The following TMOD2 variants were observed in gnomAD, a reference collection of about 807,000 sequenced individuals.
The protein encoded by TMOD2 is tropomodulin-2.
In TMOD2, 22 loss-of-function variants were observed where a neutral mutation model predicts 39.9. The observed-to-expected ratio is 0.55, with a 90% CI of 0.39 to 0.79. TMOD2 has a LOEUF of 0.79. Among genes scored for constraint, TMOD2 ranks in the 30% least tolerant of loss-of-function variants. The probability of loss-of-function intolerance (pLI) is 0.00; values close to 1 mark genes in which losing one functional copy is unlikely to be tolerated. For synonymous variants in TMOD2, 123 were observed against 146.1 expected (o/e 0.84, Z 1.14); for missense variants, 386 against 413.3 (o/e 0.93, Z 0.57).
intron 1 of TMOD2, among the ~76,000 whole-genome samples, chr15:51,764,099 G>A (rs62015115): frequency 6.6e-6 from 1 of 151,290 alleles, no homozygotes; most frequent in African/African-American, 2.4e-5. Flanking sequence ...AAAAAAAAAG[G>A]AGGGCTGGGA....
In TMOD2 at chr15:51,813,569, C is replaced by G. The variant is rs1347989949; in HGVS notation, c.*5115C>G. On this transcript the variant is annotated 3_prime_UTR_variant, in exon 10 of 10. Transcript: ENST00000249700. ...ACCTAATCCCATCACCAACACTTAG[C>G]AGGTATATGATCATGGGCAATTCAT... 1.3e-5 allele frequency: 2 copies of G among 152,140 alleles called. No individual in the cohort carries two copies. Among genetic ancestry groups the G allele is most frequent in the Non-Finnish European group, 2.9e-5 (2 of 68,024 alleles). 9.4% of individuals were successfully genotyped at this position (152,140 alleles called of 1,614,324 possible).
intron 1 of TMOD2, among the ~76,000 whole-genome samples, chr15:51,754,085 G>T (rs1380725139): frequency 6.6e-6 from 1 of 152,004 alleles, no homozygotes; most frequent in Non-Finnish European, 1.5e-5. Flanking sequence ...CCCATTTTTG[G>T]TTTATCTTGG....
chr15:51,789,423 A>C (rs930253321), intron 7 of TMOD2, among the ~76,000 whole-genome samples: 1 of 152,176 alleles, frequency 6.6e-6, no homozygotes, highest in Admixed American at 6.5e-5. Context: ...AGACTTTAAC[A>C]CCCCACTGTC....
intron 7 of TMOD2, among the ~76,000 whole-genome samples, chr15:51,793,461 C>T (rs1222100890): frequency 1.3e-5 from 2 of 152,218 alleles, no homozygotes; most frequent in African/African-American, 4.8e-5. Context: ...TCAGTAGCCA[C>T]ATTTCTCATG....
At chr15:51,777,715 A>T (rs2055898983) in intron 5 of TMOD2, among the ~76,000 whole-genome samples, 1 of 152,176 alleles carries the variant, frequency 6.6e-6, no homozygotes, top group Non-Finnish European at 1.5e-5. Flanking sequence ...TTAGACCAAT[A>T]TCCTTGATGA....
chr15:51,777,128 G>T (rs1159070688), intron 5 of TMOD2, 110 bp downstream of exon 5: 7 of 876,572 alleles, frequency 8.0e-6, no homozygotes, highest in Non-Finnish European at 1.1e-5. Context: ...CATTTTGCTA[G>T]GATCACTTGG....
At chr15:51,789,445 G>A (rs143170364) in intron 7 of TMOD2, among the ~76,000 whole-genome samples, 5,470 of 152,260 alleles carry the variant, frequency 0.036, 154 homozygotes, top group South Asian at 0.14. Context: ...ATATTAGACA[G>A]ATCAATGAGA....
chr15:51,758,589 A>G (rs1229413335), intron 1 of TMOD2, among the ~76,000 whole-genome samples: 1 of 152,256 alleles, frequency 6.6e-6, no homozygotes, highest in Non-Finnish European at 1.5e-5. Context: ...CTGTGCTGGG[A>G]GTCAGGATTT....
chr15:51,771,712 A>G (rs536554672), intron 3 of TMOD2, among the ~76,000 whole-genome samples: 9 of 152,336 alleles, frequency 5.9e-5, no homozygotes, highest in African/African-American at 1.9e-4. Flanking sequence ...CTCTAGACCT[A>G]AGATCATCTT....
chr15:51,777,336 T>C (rs1567239511), intron 5 of TMOD2, among the ~76,000 whole-genome samples: 1 of 152,232 alleles, frequency 6.6e-6, no homozygotes, highest in Non-Finnish European at 1.5e-5. Flanking sequence ...GATATAAGAC[T>C]GCTTGGTCAT....
intron 7 of TMOD2, among the ~76,000 whole-genome samples, chr15:51,786,881 C>G (rs2055973950): frequency 6.6e-6 from 1 of 152,220 alleles, no homozygotes; most frequent in African/African-American, 2.4e-5. Context: ...CAAATAGGAA[C>G]AGCTCTAGTC....
chr15:51,805,749 C>T (rs1216303553), intron 8 of TMOD2, among the ~76,000 whole-genome samples: 1 of 151,934 alleles, frequency 6.6e-6, no homozygotes, highest in African/African-American at 2.4e-5. Flanking sequence ...ATCTCATGTA[C>T]CCCATAAATA....
intron 5 of TMOD2, among the ~76,000 whole-genome samples, chr15:51,778,019 T>C (rs563250193): frequency 4.0e-5 from 6 of 151,682 alleles, no homozygotes; most frequent in East Asian, 1.9e-4. Context: ...ATCATGCTGC[T>C]ATAAAGACAC....
rs998214288 is a variant in TMOD2 at position 51,751,652 on chromosome 15, T to C, written c.-130T>C. 2 of 172,590 alleles carry C rather than the reference T, an allele frequency of 1.2e-5. No homozygotes were observed. The highest frequency in any genetic ancestry group is 1.6e-4 in the East Asian group (1 of 6,336). The allele number at this position is 172,590 out of a possible 1,614,324, so 10.7% of individuals were successfully genotyped here. ...GCCGCCCCTGTTCTCCCGGCCCCGCTCCACCGGGGCTGACGGACTGACGGC... is the reference window on the plus strand; with the variant it reads ...GCCGCCCCTGTTCTCCCGGCCCCGCCCCACCGGGGCTGACGGACTGACGGC... On this transcript the variant is annotated 5_prime_UTR_variant, in exon 1 of 10. Transcript: ENST00000249700.
At chr15:51,785,143 T>A (rs2055959179) in intron 7 of TMOD2, among the ~76,000 whole-genome samples, 1 of 152,120 alleles carries the variant, frequency 6.6e-6, no homozygotes, top group Non-Finnish European at 1.5e-5. Flanking sequence ...CCGGGCGCGG[T>A]GGCTCACGCC....
In TMOD2 at chr15:51,814,871, T is replaced by G. The variant is rs2056178478; in HGVS notation, c.*6417T>G. 1 of 152,274 alleles carries G rather than the reference T, an allele frequency of 6.6e-6. No homozygotes were observed. The highest frequency in any genetic ancestry group is 2.4e-5 in the African/African-American group (1 of 41,474). The allele number at this position is 152,274 out of a possible 1,614,324, so 9.4% of individuals were successfully genotyped here. A position where few individuals can be genotyped will look rare whatever the true frequency, so the allele number is the denominator to read the frequency against. ...AGGCTTTGTTCAGAGGAGGTCTGAC[T>G]ATTGCACAGCCAGTTTTTTCTTCCT... On this transcript the variant is annotated 3_prime_UTR_variant, in exon 10 of 10. Coordinates refer to ENST00000249700, the MANE Select transcript of TMOD2 (RefSeq NM_014548.4).
chr15:51,789,579 A>G (rs763621140), intron 7 of TMOD2, among the ~76,000 whole-genome samples: 13 of 152,316 alleles, frequency 8.5e-5, no homozygotes, highest in Non-Finnish European at 1.5e-4. Flanking sequence ...ACCACATCGC[A>G]CTTACTCTAA....
chr15:51,787,847 A>G (rs1324941882), intron 7 of TMOD2, among the ~76,000 whole-genome samples: 2 of 152,218 alleles, frequency 1.3e-5, no homozygotes, highest in South Asian at 4.1e-4. Context: ...AACCCCATCC[A>G]TAGGTCACCA....
chr15:51,787,159 C>T (rs572864398), intron 7 of TMOD2, among the ~76,000 whole-genome samples: 8 of 152,240 alleles, frequency 5.3e-5, no homozygotes, highest in East Asian at 3.9e-4. Flanking sequence ...TCACAACCAG[C>T]GGACCAGGAG....
Sources: gnomAD v4.1 joint callset for allele counts (sites outside exome capture counted in the v4.1 genomes callset) on GRCh38, gnomAD v4.1.1 for gene constraint, MANE v1.5 for transcripts, NCBI Gene and HGNC (gene_info 2026-07-23, HGNC 2026-07-21) for gene names.